Variants in DDX4 observed in about 807,000 individuals in gnomAD.
The protein encoded by DDX4 is DEAD-box helicase 4.
Under a neutral mutation model 100.0 loss-of-function variants are expected in DDX4, and 25 were observed. The observed-to-expected ratio is 0.25, with a 90% CI of 0.18 to 0.35. DDX4 has a LOEUF of 0.35. Ranked by LOEUF, DDX4 falls within the 10% of genes least tolerant of loss-of-function variation. The pLI, the probability that DDX4 is intolerant of heterozygous loss-of-function variation, is 1.00. For missense variants in DDX4, 635 were observed against 882.4 expected, an observed-to-expected ratio of 0.72 and a Z score of 3.55; for synonymous variants, 259 against 275.7, an observed-to-expected ratio of 0.94 and a Z score of 0.60.
intron 3 of DDX4, among the ~76,000 whole-genome samples, chr5:55,749,143 A>T (rs372449689): frequency 6.6e-6 from 1 of 152,226 alleles, no homozygotes; most frequent in Non-Finnish European, 1.5e-5. Flanking sequence ...AATAGGAGGC[A>T]GGTGTAGTGG....
In DDX4 at chr5:55,790,584, T is replaced by G. The variant is rs1301590554; in HGVS notation, c.1181T>G (p.Val394Gly). 1.4e-5 allele frequency: 23 copies of G among 1,591,008 alleles called. No individual in the cohort carries two copies. The highest frequency in any genetic ancestry group is 2.0e-5 in the Non-Finnish European group (23 of 1,160,092). ...AGTTTTCTTGTTAATAGGACTTGTGTAAGAGCTGTTGTTATATATGGGGGA... is the reference window on the plus strand; with the variant it reads ...AGTTTTCTTGTTAATAGGACTTGTGGAAGAGCTGTTGTTATATATGGGGGA... The part of the protein sequence containing the change: ...EARKFSFGTC[V>G]RAVVIYGGTQ... Residue 394 changes from valine to glycine, a missense_variant, in exon 16 of 22, where the codon GTA becomes GGA. Physicochemically the swap from Val to Gly is moderately radical, Grantham distance 109. Around this residue, in one of 4 missense-constraint regions of DDX4, gnomAD observed 446 missense variants for 540.8 expected, o/e 0.82. Coordinates refer to ENST00000505374, the MANE Select transcript of DDX4 (RefSeq NM_024415.3).
intron 7 of DDX4, among the ~76,000 whole-genome samples, chr5:55,773,824 A>G (rs1162438332): frequency 6.6e-6 from 1 of 151,880 alleles, no homozygotes; most frequent in African/African-American, 2.4e-5. Flanking sequence ...GGGTTCCACT[A>G]CATTGCGCAG....
At chr5:55,738,820 A>C (rs924177892) in intron 1 of DDX4, 130 bp from the exon 2 acceptor site, 1 of 663,264 alleles carries the variant, frequency 1.5e-6, no homozygotes, top group Non-Finnish European at 2.7e-6. Flanking sequence ...TTCTTTGGAA[A>C]AAACTTTTGG....
chr5:55,770,769 G>A (rs528469886), intron 7 of DDX4, among the ~76,000 whole-genome samples: 9 of 152,176 alleles, frequency 5.9e-5, no homozygotes, highest in African/African-American at 1.9e-4. Context: ...GGGTGGTGGT[G>A]GGGAGAAAGT....
chr5:55,781,989 CTTA>C lies in DDX4; in HGVS notation c.625+11_625+13del, dbSNP rs546255471. 259 of 1,613,708 alleles carry C rather than the reference CTTA, an allele frequency of 1.6e-4. 3 individuals carry two copies. The South Asian group carries it at 2.7e-3, about 17-fold the overall frequency. ...GCAGTGGAAGTGAACGAGGTAAGTTCTTATTTTGTTTACCCGAAAGAAGTTAAA... is the reference window on the plus strand; with the variant it reads ...GCAGTGGAAGTGAACGAGGTAAGTTCTTTTGTTTACCCGAAAGAAGTTAAA... On this transcript the variant is annotated intron_variant, in intron 10 of 21. Transcript: ENST00000505374.
chr5:55,796,159 C>T lies in DDX4; in HGVS notation c.1470-2267C>T, dbSNP rs187209271. Among the ~76,000 whole-genome samples, 22 of 152,272 alleles carry T rather than the reference C, an allele frequency of 1.4e-4. No homozygotes were observed. In the East Asian group the frequency reaches 3.3e-3, roughly 23 times the overall value. On this transcript the variant is annotated intron_variant, in intron 17 of 21. Transcript: ENST00000505374. ...TCTTCTGCCTGCGTTCTTGTAGCTG[C>T]GCTGGTAGCCAACTGGATGGTGTCC... is the stretch of plus-strand genomic sequence containing the variant.
chr5:55,767,383 A>C (rs1740991241), intron 6 of DDX4, among the ~76,000 whole-genome samples: 1 of 152,230 alleles, frequency 6.6e-6, no homozygotes, highest in Non-Finnish European at 1.5e-5. Context: ...CGGAGGTTGC[A>C]GTGAGCAGAG....
intron 4 of DDX4, among the ~76,000 whole-genome samples, chr5:55,762,258 G>A (rs1375169167): frequency 6.6e-6 from 1 of 152,036 alleles, no homozygotes; most frequent in Non-Finnish European, 1.5e-5. Context: ...TGCTGTTTTG[G>A]ATGTCTCTCC....
At chr5:55,738,160 T>A (rs1271424963) in intron 1 of DDX4, 59 bp downstream of exon 1, 1 of 152,290 alleles carries the variant, frequency 6.6e-6, no homozygotes, top group African/African-American at 2.4e-5. Context: ...GGCTCCCCAG[T>A]AACCGACCTT....
chr5:55,783,335 G>A (rs887185059), intron 10 of DDX4, among the ~76,000 whole-genome samples: 1 of 151,670 alleles, frequency 6.6e-6, no homozygotes, highest in African/African-American at 2.4e-5. Flanking sequence ...CCTATATGAA[G>A]GAGGATTTCA....
chr5:55,808,727 A>G (rs1270892725), intron 18 of DDX4, among the ~76,000 whole-genome samples: 1 of 152,142 alleles, frequency 6.6e-6, no homozygotes, highest in African/African-American at 2.4e-5. Context: ...GTCTGCCCCT[A>G]CTGGGGGTGC....
At chr5:55,768,622 A>G (rs534613755) in intron 7 of DDX4, among the ~76,000 whole-genome samples, 4 of 152,220 alleles carry the variant, frequency 2.6e-5, no homozygotes, top group African/African-American at 9.6e-5. Flanking sequence ...AGAATTATTT[A>G]TATTCCTTTG....
chr5:55,764,068 A>G lies in DDX4; in HGVS notation c.334+4A>G. The stretch of plus-strand genomic sequence containing the variant: ...GATAGCTCTGGTTTCTGGAGAGGTA[A>G]GGTTGATATTTTTGTGTTTTAAAAT... On this transcript the variant is annotated splice_donor_region_variant and intron_variant, in intron 6 of 21. Coordinates refer to ENST00000505374, the MANE Select transcript of DDX4 (RefSeq NM_024415.3). 6.2e-7 allele frequency: 1 copy of G among 1,603,486 alleles called. No homozygotes were observed. The highest frequency in any genetic ancestry group is 8.5e-7 in the Non-Finnish European group (1 of 1,170,770).
chr5:55,765,413 A>ATATATAT (rs1554076987), intron 6 of DDX4, among the ~76,000 whole-genome samples: 37 of 82,992 alleles, frequency 4.5e-4, no homozygotes, highest in South Asian at 1.6e-3. Context: ...AAAAAAAAAA[A>ATATATAT]ATATATATAT....
Position 55,767,635 on chromosome 5 carries a change from T to C in DDX4, c.335-246T>C, listed in dbSNP as rs150868255. On this transcript the variant is annotated intron_variant, in intron 6 of 21. Coordinates refer to ENST00000505374, the MANE Select transcript of DDX4 (RefSeq NM_024415.3). ...TTTGCGTAGTATAATGCTTGGCAAA[T>C]AGTAGGTTCTCAATTTCATATAATA... 9.7e-4 allele frequency among the ~76,000 whole-genome samples: 147 copies of C among 152,330 alleles called. No homozygotes were observed. In the Middle Eastern group the frequency reaches 0.01, roughly 11 times the overall value.
At chr5:55,783,808 G>A (rs1384484778) in intron 10 of DDX4, among the ~76,000 whole-genome samples, 1 of 149,666 alleles carries the variant, frequency 6.7e-6, no homozygotes, top group Non-Finnish European at 1.5e-5. Flanking sequence ...CAGTAGTATT[G>A]TTCAATTCAA....
chr5:55,775,151 G>A (rs1238413224), intron 7 of DDX4, among the ~76,000 whole-genome samples: 1 of 152,106 alleles, frequency 6.6e-6, no homozygotes, highest in Non-Finnish European at 1.5e-5. Flanking sequence ...ATTTTACTTA[G>A]CATCTTGTTT....
intron 3 of DDX4, among the ~76,000 whole-genome samples, chr5:55,752,282 A>C (rs1446466408): frequency 2.0e-5 from 3 of 148,428 alleles, no homozygotes; most frequent in African/African-American, 7.5e-5. Context: ...CGCTGCACCC[A>C]CTAACTCGTC....
At chr5:55,766,883 T>G in intron 6 of DDX4, 2 of 1,516,836 alleles carry the variant, frequency 1.3e-6, no homozygotes, top group Non-Finnish European at 1.8e-6. Context: ...AACATAGAAC[T>G]TTTACATTTC....
Sources: allele counts gnomAD v4.1 joint callset (sites outside exome capture counted in the v4.1 genomes callset), GRCh38; gene constraint gnomAD v4.1.1; regional missense constraint gnomAD v4.1.1; transcripts MANE v1.5; gene names NCBI Gene and HGNC (gene_info 2026-07-23, HGNC 2026-07-21).